ARHGEF28: variants seen among roughly 807,000 people sequenced by gnomAD.
ARHGEF28 encodes Rho guanine nucleotide exchange factor 28, also known as 190 kDa guanine nucleotide exchange factor.
Under a neutral mutation model 206.6 loss-of-function variants are expected in ARHGEF28, and 152 were observed. The observed-to-expected ratio is 0.74, with a 90% CI of 0.64 to 0.84. ARHGEF28 has a LOEUF of 0.84. Ranked by LOEUF, ARHGEF28 falls within the 40% of genes least tolerant of loss-of-function variation. The probability of loss-of-function intolerance (pLI) is 0.00; values close to 1 mark genes in which losing one functional copy is unlikely to be tolerated. For missense variants in ARHGEF28, 2,028 were observed against 2,073.2 expected (o/e 0.98, Z 0.42); for synonymous variants, 763 against 776.4 (o/e 0.98, Z 0.29).
chr5:73,753,619 G>A lies in ARHGEF28; in HGVS notation c.475+417G>A, dbSNP rs116319403. 6.0e-3 allele frequency among the ~76,000 whole-genome samples: 915 copies of A among 152,284 alleles called. 10 individuals are homozygous for A. The highest frequency in any genetic ancestry group is 0.021 in the African/African-American group (865 of 41,546). ...ACACCTGGAAGACATGTGACCACAT[G>A]GGAAACATAACCAATGAATTGACAT... On this transcript the variant is annotated intron_variant, in intron 4 of 35. Coordinates refer to ENST00000513042, the MANE Select transcript of ARHGEF28 (RefSeq NM_001177693.2).
intron 2 of ARHGEF28, among the ~76,000 whole-genome samples, chr5:73,736,319 A>G (rs933351556): frequency 1.3e-5 from 2 of 152,160 alleles, no homozygotes; most frequent in Admixed American, 6.5e-5. Context: ...CACTGACCAC[A>G]GTGGCAGGGC....
chr5:73,848,558 C>A (rs1289204578), intron 12 of ARHGEF28, among the ~76,000 whole-genome samples: 5 of 152,052 alleles, frequency 3.3e-5, no homozygotes, highest in Non-Finnish European at 7.4e-5. Flanking sequence ...TTCCACTATC[C>A]TCTAGTAATC....
intron 2 of ARHGEF28, among the ~76,000 whole-genome samples, chr5:73,723,955 C>G (rs1488318317): frequency 6.6e-6 from 1 of 152,218 alleles, no homozygotes; most frequent in Non-Finnish European, 1.5e-5. Flanking sequence ...AGTATCAGGC[C>G]TCTGTCTCTG....
chr5:73,824,234 G>A (rs945687464), intron 9 of ARHGEF28, among the ~76,000 whole-genome samples: 2 of 152,196 alleles, frequency 1.3e-5, no homozygotes, highest in African/African-American at 4.8e-5. Flanking sequence ...GCTACCAGAA[G>A]GCATAAGAGG....
chr5:73,701,711 C>A (rs908678661), intron 2 of ARHGEF28, among the ~76,000 whole-genome samples: 3 of 152,054 alleles, frequency 2.0e-5, no homozygotes, highest in Admixed American at 2.0e-4. Context: ...AGTAATACAG[C>A]TTATGATCTT....
At chr5:73,641,404 CTTTT>C (rs34541531) in intron 1 of ARHGEF28, among the ~76,000 whole-genome samples, 1 of 70,638 alleles carries the variant, frequency 1.4e-5, no homozygotes, top group Non-Finnish European at 3.1e-5. Context: ...AGGGGAAAGG[CTTTT>C]TTTTTTTTTT....
At chr5:73,809,213 A>AG (rs991983318) in intron 9 of ARHGEF28, among the ~76,000 whole-genome samples, 1 of 151,848 alleles carries the variant, frequency 6.6e-6, no homozygotes, top group African/African-American at 2.4e-5. Flanking sequence ...TCAAAAAAAA[A>AG]ACAAAACACA....
At chr5:73,858,039 CT>C (rs1759158578) in intron 15 of ARHGEF28, 47 bp from the exon 16 acceptor site, 1 of 1,556,852 alleles carries the variant, frequency 6.4e-7, no homozygotes, top group Admixed American at 2.1e-5. Flanking sequence ...CAGCGTTTTC[CT>C]TTTCTCATTT....
intron 4 of ARHGEF28, among the ~76,000 whole-genome samples, chr5:73,760,160 G>A (rs746497585): frequency 6.6e-6 from 1 of 152,194 alleles, no homozygotes; most frequent in Non-Finnish European, 1.5e-5. Context: ...GCCCACAGAT[G>A]AAGTAAAATG....
intron 2 of ARHGEF28, among the ~76,000 whole-genome samples, chr5:73,716,500 G>C (rs1749592344): frequency 6.6e-6 from 1 of 152,188 alleles, no homozygotes; most frequent in Non-Finnish European, 1.5e-5. Flanking sequence ...GGGCAGTAGT[G>C]TCCCATCCAA....
intron 22 of ARHGEF28, among the ~76,000 whole-genome samples, chr5:73,878,611 G>A (rs1208182746): frequency 6.7e-6 from 1 of 149,638 alleles, no homozygotes; most frequent in South Asian, 2.1e-4. Context: ...CTCTTTTAGG[G>A]CAGGCCTGGT....
chr5:73,922,207 A>T lies in ARHGEF28; in HGVS notation c.4948+10632A>T. On this transcript the variant is annotated intron_variant, in intron 35 of 35. Coordinates refer to ENST00000513042, the MANE Select transcript of ARHGEF28 (RefSeq NM_001177693.2). ...TATAAGTTTTCGCCTCATTCGGTTT[A>T]GTCACTGATCATTTAGATGGGGAAT... 1.3e-5 allele frequency among the ~76,000 whole-genome samples: 2 copies of T among 152,244 alleles called. 1 individual carries two copies. The highest frequency in any genetic ancestry group is 4.1e-4 in the South Asian group (2 of 4,832).
chr5:73,742,263 C>T (rs182693239), intron 2 of ARHGEF28, among the ~76,000 whole-genome samples: 91 of 152,210 alleles, frequency 6.0e-4, no homozygotes, highest in Admixed American at 1.2e-3. Flanking sequence ...TCCATACTGG[C>T]AGACTTGGTG....
chr5:73,666,527 G>A (rs1745968954), intron 1 of ARHGEF28, among the ~76,000 whole-genome samples: 2 of 152,226 alleles, frequency 1.3e-5, no homozygotes. Flanking sequence ...TTGAAATGTA[G>A]GTGGATGCTG....
At chr5:73,855,426 C>T (rs1397723972) in intron 14 of ARHGEF28, among the ~76,000 whole-genome samples, 3 of 152,034 alleles carry the variant, frequency 2.0e-5, no homozygotes, top group African/African-American at 7.2e-5. Context: ...TCTTATCAAC[C>T]TCAGCTTAAA....
chr5:73,718,207 A>C (rs1485464964), intron 2 of ARHGEF28, among the ~76,000 whole-genome samples: 1 of 152,128 alleles, frequency 6.6e-6, no homozygotes, highest in African/African-American at 2.4e-5. Flanking sequence ...AGTTAGCAGG[A>C]TTATAGACCT....
At chr5:73,906,285 C>A (rs1762552282) in intron 33 of ARHGEF28, among the ~76,000 whole-genome samples, 3 of 152,240 alleles carry the variant, frequency 2.0e-5, no homozygotes, top group South Asian at 2.1e-4. Flanking sequence ...GTTACCCAGG[C>A]TGGAGTGCAG....
At chr5:73,877,778 T>C (rs1448105776) in intron 22 of ARHGEF28, among the ~76,000 whole-genome samples, 2 of 151,312 alleles carry the variant, frequency 1.3e-5, no homozygotes, top group African/African-American at 2.4e-5. Flanking sequence ...TGCACTGTGG[T>C]CTGAGAGACA....
At chr5:73,923,172 T>C in intron 35 of ARHGEF28, 1 of 1,534,876 alleles carries the variant, frequency 6.5e-7, no homozygotes, top group Non-Finnish European at 8.7e-7. Flanking sequence ...AAGGTAATAC[T>C]GCAAGGGGGG....
Sources: gnomAD v4.1 joint callset for allele counts (sites outside exome capture counted in the v4.1 genomes callset) on GRCh38, gnomAD v4.1.1 for gene constraint, MANE v1.5 for transcripts, NCBI Gene and HGNC (gene_info 2026-07-23, HGNC 2026-07-21) for gene names.